The following GRIN3B variants were observed in gnomAD, a reference collection of about 807,000 sequenced individuals.
GRIN3B encodes glutamate ionotropic receptor NMDA type subunit 3B.
GRIN3B carries 77 observed loss-of-function variants against 66.0 expected under a neutral mutation model. The observed-to-expected ratio is 1.17, with a 90% CI of 0.97 to 1.41. The LOEUF is 1.41. GRIN3B is among the 40% of genes most tolerant of loss of function. The probability of loss-of-function intolerance (pLI) is 0.00; values close to 1 mark genes in which losing one functional copy is unlikely to be tolerated. For synonymous variants in GRIN3B, 823 were observed against 749.7 expected, an observed-to-expected ratio of 1.10 and a Z score of -1.60; for missense variants, 1,787 against 1,564.5, an observed-to-expected ratio of 1.14 and a Z score of -2.40.
Position 1,007,833 on chromosome 19 carries a change from ACCCCCG to A in GRIN3B, c.2199-16_2199-11del. 6.4e-7 allele frequency: 1 copy of A among 1,564,168 alleles called. No individual in the cohort carries two copies. The highest frequency in any genetic ancestry group is 8.7e-7 in the Non-Finnish European group (1 of 1,146,678). ...CGTGGGGTGGGCGGGGCGATGGCTG[ACCCCCG>A]CCCCCGGCCCCAGCAGGAGCGACCC... On this transcript the variant is annotated splice_polypyrimidine_tract_variant and intron_variant, in intron 4 of 8. Coordinates refer to ENST00000234389, the MANE Select transcript of GRIN3B (RefSeq NM_138690.3). The surrounding 1 kb of genome is among the most constrained non-coding windows in gnomAD (Gnocchi z 4.4).
At chr19:1,002,354 C>G (rs544397940) in intron 1 of GRIN3B, among the ~76,000 whole-genome samples, 630 of 58,812 alleles carry the variant, frequency 0.011, 5 homozygotes, top group African/African-American at 0.038. Context: ...CCCGTCTTTA[C>G]TAAAAATACA....
rs1197352522 is a variant in GRIN3B, at chr19:1,007,620, C to T, written c.2053-8C>T. 3 of 1,491,608 alleles carry T rather than the reference C, an allele frequency of 2.0e-6. No individual in the cohort carries two copies. The highest frequency in any genetic ancestry group is 1.4e-5 in the African/African-American group (1 of 69,778). The allele number at this position is 1,491,608 out of a possible 1,614,324, so 92.4% of individuals were successfully genotyped here. ...CAGGCAGAGGCGCTGACGGGGTCCC[C>T]CGCGCAGCTGCACCACCCGGCGCAG... On this transcript the variant is annotated splice_region_variant and splice_polypyrimidine_tract_variant and intron_variant, in intron 3 of 8. Coordinates refer to ENST00000234389, the MANE Select transcript of GRIN3B (RefSeq NM_138690.3). The surrounding 1 kb of genome is among the most constrained non-coding windows in gnomAD (Gnocchi z 4.4).
chr19:1,008,813 AC>A lies in GRIN3B; in HGVS notation c.2632-36del, dbSNP rs373093602. Reference sequence around the variant, plus strand: ...GAGCGGGTGGGCGGCGGGCGGCCCCACCCCCCCCGCCTCCTCGCCAACCGGG... The same window carrying A: ...GAGCGGGTGGGCGGCGGGCGGCCCCACCCCCCCGCCTCCTCGCCAACCGGG... On this transcript the variant is annotated intron_variant, in intron 7 of 8. Transcript: ENST00000234389. The A allele has an allele frequency of 1.6e-3, 2,431 of 1,473,536 alleles. 7 individuals are homozygous for A. Among genetic ancestry groups the A allele is most frequent in the African/African-American group, 0.011 (753 of 67,180 alleles). The allele number at this position is 1,473,536 out of a possible 1,614,324, so 91.3% of individuals were successfully genotyped here. A position where few individuals can be genotyped will look rare whatever the true frequency, so the allele number is the denominator to read the frequency against.
chr19:1,007,747 C>T lies in GRIN3B; in HGVS notation c.2172C>T (p.Thr724=), dbSNP rs762909644. Residue 724 remains threonine, a synonymous_variant, in exon 4 of 9, where the codon ACC becomes ACT. Transcript: ENST00000234389. This position sits in a 1 kb window ranked among gnomAD's most constrained non-coding sequence, Gnocchi z 4.4. ...ACATGCGGCGCCACAGCGCGCCCAC[C>T]ACGCCCCGCGGCGTCGCCATGCTCA... is the stretch of plus-strand genomic sequence containing the variant. ...HAHMRRHSAP[T]TPRGVAMLTS... The T allele has an allele frequency of 2.6e-6, 4 of 1,520,384 alleles. No individual in the cohort carries two copies. The African/African-American group carries it at 4.3e-5, about 16-fold the overall frequency. The allele number at this position is 1,520,384 out of a possible 1,614,324, so 94.2% of individuals were successfully genotyped here.
rs144432988 is a variant in GRIN3B at position 1,007,863 on chromosome 19, C to G, written c.2206C>G (p.Pro736Ala). ...PRGVAMLTSDPPKLNAFIMDK... is the reference protein window; with the variant it reads ...PRGVAMLTSDAPKLNAFIMDK... ...CGCCCCCGGCCCCAGCAGGAGCGAC[C>G]CCCCCAAGCTCAACGCCTTCATCAT... The change falls in exon 5 of 9, where the codon CCC (proline) becomes GCC (alanine). Residue 736 changes from proline to alanine, a missense_variant. Physicochemically the swap from Pro to Ala is conservative, Grantham distance 27 (BLOSUM62 -1). Coordinates refer to ENST00000234389, the MANE Select transcript of GRIN3B (RefSeq NM_138690.3). The surrounding 1 kb of genome is among the most constrained non-coding windows in gnomAD (Gnocchi z 4.4). 8.7e-4 allele frequency: 1,402 copies of G among 1,609,338 alleles called. 1 individual carries two copies. Among genetic ancestry groups the G allele is most frequent in the Non-Finnish European group, 1.1e-3 (1,288 of 1,177,968 alleles).
intron 2 of GRIN3B, 22 bp from the exon 3 acceptor site, chr19:1,004,499 A>AGG: frequency 2.0e-6 from 3 of 1,526,576 alleles, no homozygotes; most frequent in South Asian, 2.4e-5. Context: ...GACACCTGAC[A>AGG]CCCCCCCCGC....
chr19:1,007,567 C>G lies in GRIN3B; in HGVS notation c.2053-61C>G, dbSNP rs1014219208. 129 of 1,379,152 alleles carry G rather than the reference C, an allele frequency of 9.4e-5. No homozygotes were observed. The highest frequency in any genetic ancestry group is 1.2e-4 in the Non-Finnish European group (123 of 1,068,700). The allele number at this position is 1,379,152 out of a possible 1,614,324, so 85.4% of individuals were successfully genotyped here. ...CGGCCCCACCCCGGAGAACGGCGCG[C>G]CCCTCAATGGTCAGGGGTCCTGAGG... On this transcript the variant is annotated intron_variant, in intron 3 of 8. Coordinates refer to ENST00000234389, the MANE Select transcript of GRIN3B (RefSeq NM_138690.3). This position sits in a 1 kb window ranked among gnomAD's most constrained non-coding sequence, Gnocchi z 4.4.
At position 1,007,903 on chromosome 19, in the gene GRIN3B, T is replaced by C; in HGVS notation, c.2246T>C (p.Leu749Pro). ...GCCTTCATCATGGACAAGTCGCTCC[T>C]GGACTACGAGGTCTCCATCGACGCC... ...LNAFIMDKSL[L>P]DYEVSIDADC... The change falls in exon 5 of 9, where the codon CTG becomes CCG. Residue 749 changes from leucine to proline, a missense_variant. Coordinates refer to ENST00000234389, the MANE Select transcript of GRIN3B (RefSeq NM_138690.3). This position sits in a 1 kb window ranked among gnomAD's most constrained non-coding sequence, Gnocchi z 4.4. 6.2e-7 allele frequency: 1 copy of C among 1,611,820 alleles called. No homozygotes were observed. The highest frequency in any genetic ancestry group is 8.5e-7 in the Non-Finnish European group (1 of 1,179,510).
chr19:1,000,819 C>G lies in GRIN3B; in HGVS notation c.382C>G (p.Leu128Val). ...FLAAATETPV[L>V]SLLRREARAP... Reference sequence around the variant, plus strand: ...GGCGGCGGCCACCGAGACCCCCGTGCTCAGCCTGCTGCGGCGGGAGGCGCG... The same window carrying G: ...GGCGGCGGCCACCGAGACCCCCGTGGTCAGCCTGCTGCGGCGGGAGGCGCG... Residue 128 changes from leucine (L) to valine (V), a missense_variant, in exon 1 of 9, where the codon CTC becomes GTC. Transcript: ENST00000234389. The G allele has an allele frequency of 6.9e-7, 1 of 1,449,554 alleles. No homozygotes were observed. The highest frequency in any genetic ancestry group is 9.0e-7 in the Non-Finnish European group (1 of 1,108,178). The allele number at this position is 1,449,554 out of a possible 1,614,324, so 89.8% of individuals were successfully genotyped here.
intron 6 of GRIN3B, 95 bp from the exon 7 acceptor site, chr19:1,008,523 C>T: frequency 7.0e-7 from 1 of 1,431,448 alleles, no homozygotes; most frequent in Non-Finnish European, 9.4e-7. Flanking sequence ...GCCCCAAGCC[C>T]CTCTCTCTGG....
chr19:1,000,851 C>T lies in GRIN3B; in HGVS notation c.414C>T (p.Pro138=), dbSNP rs2038678117. The change falls in exon 1 of 9, where the codon CCC becomes CCT. Residue 138 remains proline, a synonymous_variant. Transcript: ENST00000234389. The stretch of plus-strand genomic sequence containing the variant: ...TGCTGCGGCGGGAGGCGCGCGCGCC[C>T]CTCGGAGCCCCGGTACGCGGGACGC... ...LSLLRREARA[P]LGAPNPFHLQ... is the part of the protein sequence containing the mutation. 3 of 1,419,134 alleles carry T rather than the reference C, an allele frequency of 2.1e-6. No individual in the cohort carries two copies. The highest frequency in any genetic ancestry group is 1.5e-5 in the African/African-American group (1 of 66,398). The allele number at this position is 1,419,134 out of a possible 1,614,324, so 87.9% of individuals were successfully genotyped here. A position where few individuals can be genotyped will look rare whatever the true frequency, so the allele number is the denominator to read the frequency against.
rs903705718 is a variant in GRIN3B, at chr19:1,009,481, G to A, written c.3011G>A (p.Arg1004His). 18 of 1,489,528 alleles carry A rather than the reference G, an allele frequency of 1.2e-5. No homozygotes were observed. The highest frequency in any genetic ancestry group is 1.2e-4 in the African/African-American group (8 of 68,578). 92.3% of individuals were successfully genotyped at this position (1,489,528 alleles called of 1,614,324 possible). Residue 1004 changes from arginine to histidine, a missense_variant, in exon 9 of 9, where the codon CGC becomes CAC. Physicochemically the swap from Arg to His is conservative, Grantham distance 29 (BLOSUM62 0). Transcript: ENST00000234389. ...RERLRQALVR[R>H]GQLLAQLGDS... Reference sequence around the variant, plus strand: ...CGGCTCCGCCAGGCCCTGGTGCGGCGCGGCCAGCTCCTGGCACAGCTCGGG... The same window carrying A: ...CGGCTCCGCCAGGCCCTGGTGCGGCACGGCCAGCTCCTGGCACAGCTCGGG...
chr19:1,003,255 C>T lies in GRIN3B; in HGVS notation c.552C>T (p.Pro184=), dbSNP rs558527815. 2.5e-4 allele frequency: 395 copies of T among 1,573,204 alleles called. 1 individual carries two copies. The highest frequency in any genetic ancestry group is 3.1e-4 in the Non-Finnish European group (362 of 1,161,300). ...TGGCCCTGTGCCGCACTCAGGACCC[C>T]GGCGGCCTGGTGGCCCTCTGGACAA... The part of the protein sequence containing the change: ...VGLALCRTQD[P]GGLVALWTSR... The change falls in exon 2 of 9, where the codon CCC becomes CCT. Residue 184 remains proline (P), a synonymous_variant. Coordinates refer to ENST00000234389, the MANE Select transcript of GRIN3B (RefSeq NM_138690.3).
chr19:1,009,060 T>C, intron 8 of GRIN3B, 113 bp from the exon 9 acceptor site: 1 of 1,400,872 alleles, frequency 7.1e-7, no homozygotes, highest in Admixed American at 2.3e-5. Context: ...GTGCACACCG[T>C]GGCTCCCTGG....
chr19:1,004,928 G>C lies in GRIN3B; in HGVS notation c.1427G>C (p.Cys476Ser), dbSNP rs758162921. The C allele has an allele frequency of 1.9e-6, 3 of 1,612,094 alleles. No homozygotes were observed. In the Admixed American group the frequency reaches 5.0e-5, roughly 27 times the overall value. ...GSAPRALRKC[C>S]YGYCIDLLER... ...GCGCCCCGTGCCCTGCGCAAGTGCT[G>C]CTACGGCTACTGCATTGACCTGCTG... Residue 476 changes from cysteine (C) to serine (S), a missense_variant, in exon 3 of 9, where the codon TGC (cysteine) becomes TCC (serine). Cys to Ser is a moderately radical substitution (Grantham distance 112, BLOSUM62 -1). Coordinates refer to ENST00000234389, the MANE Select transcript of GRIN3B (RefSeq NM_138690.3).
chr19:1,000,520 G>A lies in GRIN3B; in HGVS notation c.83G>A (p.Gly28Asp). Reference sequence around the variant, plus strand: ...GCGGGGGGCCACCCTCAGCCGTGCGGCGTCCTGGCGCGCCTCGGGGGCTCC... The same window carrying A: ...GCGGGGGGCCACCCTCAGCCGTGCGACGTCCTGGCGCGCCTCGGGGGCTCC... ...GSAGGHPQPC[G>D]VLARLGGSVR... Residue 28 changes from glycine (G) to aspartate (D), a missense_variant, in exon 1 of 9, where the codon GGC becomes GAC. Gly to Asp is a moderately conservative substitution (Grantham distance 94). Transcript: ENST00000234389. 2 of 1,181,900 alleles carry A rather than the reference G, an allele frequency of 1.7e-6. No individual in the cohort carries two copies. Among genetic ancestry groups the A allele is most frequent in the Non-Finnish European group, 2.1e-6 (2 of 955,686 alleles). 73.2% of individuals were successfully genotyped at this position (1,181,900 alleles called of 1,614,324 possible). A position where few individuals can be genotyped will look rare whatever the true frequency, so the allele number is the denominator to read the frequency against.
chr19:1,004,684 G>A lies in GRIN3B; in HGVS notation c.1183G>A (p.Asp395Asn). The A allele has an allele frequency of 6.2e-7, 1 of 1,601,082 alleles. No homozygotes were observed. Among genetic ancestry groups the A allele is most frequent in the Non-Finnish European group, 8.5e-7 (1 of 1,174,036 alleles). The change falls in exon 3 of 9, where the codon GAC becomes AAC. Residue 395 changes from aspartate (D) to asparagine (N), a missense_variant. By Grantham distance (23) the Asp-to-Asn change is conservative. Coordinates refer to ENST00000234389, the MANE Select transcript of GRIN3B (RefSeq NM_138690.3). ...GGGCAGCTGGCGGGACGGCCAGCTG[G>A]ACTTGGAACCGGGAGGTGCCTCTGC... ...TVGSWRDGQLDLEPGGASARP... is the reference protein window; with the variant it reads ...TVGSWRDGQLNLEPGGASARP...
At position 1,008,616 on chromosome 19, in the gene GRIN3B, A is replaced by G. The variant is rs1478471731; in HGVS notation, c.2467-2A>G. 1.3e-6 allele frequency: 2 copies of G among 1,596,702 alleles called. No individual in the cohort carries two copies. The highest frequency in any genetic ancestry group is 1.3e-5 in the African/African-American group (1 of 74,954). On this transcript the variant is annotated splice_acceptor_variant, in intron 6 of 8. Transcript: ENST00000234389. LOFTEE classifies it high-confidence loss of function. ...GCGGGGCTCCTGCTGTGTTGCCCCC[A>G]GACCCTGCAGATGAGCATCTACCAC...
At chr19:1,004,327 G>A (rs1315157879) in intron 2 of GRIN3B, among the ~76,000 whole-genome samples, 194 bp from the exon 3 acceptor site, 1 of 152,184 alleles carries the variant, frequency 6.6e-6, no homozygotes, top group African/African-American at 2.4e-5. Context: ...GCACAGCCAC[G>A]GCATCGGGCA....
Sources: gnomAD v4.1 joint callset for allele counts (sites outside exome capture counted in the v4.1 genomes callset) on GRCh38, gnomAD v4.1.1 for gene constraint, Gnocchi (gnomAD v3.1) non-coding constraint, MANE v1.5 for transcripts, NCBI Gene and HGNC (gene_info 2026-07-23, HGNC 2026-07-21) for gene names.